Variants in CASP9 observed in about 807,000 individuals in gnomAD.
The protein encoded by CASP9 is caspase-9.
In CASP9, 29 loss-of-function variants were observed where a neutral mutation model predicts 43.5. That is an observed-to-expected ratio of 0.67 (90% confidence interval 0.50 to 0.91). CASP9 has a LOEUF of 0.91. Among genes scored for constraint, CASP9 ranks in the 40% least tolerant of loss-of-function variants. The pLI is 0.00. For missense variants in CASP9, 575 were observed against 537.4 expected, an observed-to-expected ratio of 1.07 and a Z score of -0.69; for synonymous variants, 206 against 211.9, an observed-to-expected ratio of 0.97 and a Z score of 0.24.
intron 2 of CASP9, among the ~76,000 whole-genome samples, chr1:15,516,197 C>T (rs1709940878): frequency 7.0e-6 from 1 of 142,774 alleles, no homozygotes; most frequent in African/African-American, 2.6e-5. Context: ...GCGAGACTCC[C>T]TCTTAAAAAA....
At chr1:15,511,977 T>C (rs564662594) in intron 2 of CASP9, among the ~76,000 whole-genome samples, 21 of 152,232 alleles carry the variant, frequency 1.4e-4, no homozygotes, top group African/African-American at 4.8e-4. Flanking sequence ...GGAGGCCCCA[T>C]GTGAAGTCCC....
intron 2 of CASP9, among the ~76,000 whole-genome samples, chr1:15,511,110 G>GA (rs374575588): frequency 4.6e-5 from 7 of 150,674 alleles, no homozygotes; most frequent in African/African-American, 9.7e-5. Context: ...GCGGAGGCGA[G>GA]AAAAAAAAAC....
chr1:15,502,696 CTG>C (rs1430177875), intron 6 of CASP9, among the ~76,000 whole-genome samples: 1 of 152,184 alleles, frequency 6.6e-6, no homozygotes, highest in East Asian at 1.9e-4. Flanking sequence ...GCTGTTGAGA[CTG>C]AGACTGGATG....
chr1:15,524,490 CCCCGCCCCAGAA>C, upstream of CASP9: 1 of 840,772 alleles, frequency 1.2e-6, no homozygotes, highest in Non-Finnish European at 1.6e-6. Context: ...CGCGTCACCG[CCCCGCCCCAGAA>C]CCCGCCCCAC....
At chr1:15,505,362 T>A (rs983983287) in intron 5 of CASP9, among the ~76,000 whole-genome samples, 8 of 152,340 alleles carry the variant, frequency 5.3e-5, no homozygotes, top group African/African-American at 1.9e-4. Context: ...GGAGTTTTAC[T>A]GGCTGAAGAT....
chr1:15,523,473 A>G lies in CASP9; in HGVS notation c.132+596T>C, dbSNP rs150748686. On this transcript the variant is annotated intron_variant, in intron 1 of 8. Coordinates refer to ENST00000333868, the MANE Select transcript of CASP9 (RefSeq NM_001229.5). ...CGCACACGCCTCCTTCCTCGCAAGT[A>G]TTAACGTAAATTAAAATGGAGACCA... is the stretch of plus-strand genomic sequence containing the variant. 2.8e-3 allele frequency among the ~76,000 whole-genome samples: 422 copies of G among 152,368 alleles called. 3 individuals are homozygous for G. The highest frequency in any genetic ancestry group is 9.4e-3 in the African/African-American group (390 of 41,588).
chr1:15,500,748 G>A (rs1397864921), intron 6 of CASP9, among the ~76,000 whole-genome samples: 2 of 152,316 alleles, frequency 1.3e-5, no homozygotes, highest in East Asian at 3.9e-4. Context: ...GGCCTGAGGC[G>A]TGAATGTGAT....
At chr1:15,497,309 TAAAAAAA>T (rs200717519) in intron 6 of CASP9, among the ~76,000 whole-genome samples, 1 of 101,770 alleles carries the variant, frequency 9.8e-6, no homozygotes, top group African/African-American at 3.8e-5. Context: ...GGACTCCATC[TAAAAAAA>T]AAAAAAAAAA....
In CASP9 at chr1:15,504,058, G is replaced by A. The variant is rs4646057; in HGVS notation, c.868+553C>T. Among the ~76,000 whole-genome samples, 1,451 of 152,290 alleles carry A rather than the reference G, an allele frequency of 9.5e-3. 23 individuals are homozygous for A. The highest frequency in any genetic ancestry group is 0.032 in the African/African-American group (1,331 of 41,542). On this transcript the variant is annotated intron_variant, in intron 6 of 8. Transcript: ENST00000333868. ...AGACAGGGTCTCGCTGTGTTGCCCA[G>A]GCTGGTCTCGAACTCCTGGCTCAAG...
chr1:15,505,491 C>T (rs928460615), intron 5 of CASP9, among the ~76,000 whole-genome samples: 1 of 152,218 alleles, frequency 6.6e-6, no homozygotes, highest in Non-Finnish European at 1.5e-5. Flanking sequence ...CTCCAGGCCC[C>T]AGCTTATAAC....
intron 4 of CASP9, among the ~76,000 whole-genome samples, 191 bp downstream of exon 4, chr1:15,506,708 A>G (rs1018125758): frequency 3.9e-5 from 6 of 152,206 alleles, no homozygotes; most frequent in African/African-American, 1.4e-4. Context: ...CAGGTGGCCG[A>G]GAGAGCCAGT....
intron 2 of CASP9, among the ~76,000 whole-genome samples, chr1:15,509,898 G>C (rs568589073): frequency 1.4e-4 from 22 of 152,308 alleles, no homozygotes; most frequent in African/African-American, 5.3e-4. Flanking sequence ...TTAGCAAGAA[G>C]TTGACTGGCC....
chr1:15,524,846 A>G (rs1482641331), upstream of CASP9: 7 of 879,706 alleles, frequency 8.0e-6, no homozygotes, highest in African/African-American at 7.8e-5. Context: ...CGCCCTCAGG[A>G]CGCACCTCAG....
chr1:15,511,764 G>T (rs4646028), intron 2 of CASP9, among the ~76,000 whole-genome samples: 1 of 152,174 alleles, frequency 6.6e-6, no homozygotes, highest in African/African-American at 2.4e-5. Context: ...GCTCAGGTCT[G>T]CTGGGAAAAA....
At chr1:15,495,052 T>C (rs1709052799) in intron 7 of CASP9, among the ~76,000 whole-genome samples, 1 of 151,806 alleles carries the variant, frequency 6.6e-6, no homozygotes, top group African/African-American at 2.4e-5. Context: ...GAGAGGCAAG[T>C]GAGGCATAGG....
At position 15,518,373 on chromosome 1, in the gene CASP9, C is replaced by T. The variant is rs1284279588; in HGVS notation, c.155G>A (p.Arg52Gln). The stretch of plus-strand genomic sequence containing the variant: ...TATGATCAGCTGCCTGGCCTGATCC[C>T]GCCGAGATCCAGAGCCTGCCCGCTG... Reference protein sequence around the residue: ...DIQRAGSGSRRDQARQLIIDL... With the variant: ...DIQRAGSGSRQDQARQLIIDL... The change falls in exon 2 of 9, where the codon CGG becomes CAG. Residue 52 changes from arginine to glutamine, a missense_variant. Coordinates refer to ENST00000333868, the MANE Select transcript of CASP9 (RefSeq NM_001229.5). 10 of 1,612,450 alleles carry T rather than the reference C, an allele frequency of 6.2e-6. No homozygotes were observed. The highest frequency in any genetic ancestry group is 2.2e-5 in the East Asian group (1 of 44,868).
intron 1 of CASP9, among the ~76,000 whole-genome samples, chr1:15,523,413 G>A (rs1217503034): frequency 6.6e-6 from 1 of 152,214 alleles, no homozygotes; most frequent in South Asian, 2.1e-4. Context: ...ATGCCAAAGT[G>A]GGTTCCCGAA....
chr1:15,515,209 A>G (rs939895010), intron 2 of CASP9, among the ~76,000 whole-genome samples: 4 of 152,246 alleles, frequency 2.6e-5, no homozygotes, highest in Admixed American at 2.6e-4. Context: ...AAATAACAAC[A>G]GATGAGCTTT....
At chr1:15,503,147 G>C (rs529643410) in intron 6 of CASP9, among the ~76,000 whole-genome samples, 3 of 152,312 alleles carry the variant, frequency 2.0e-5, no homozygotes, top group African/African-American at 7.2e-5. Flanking sequence ...AGCACTTTGG[G>C]AGGCCGAAGT....
Sources: allele counts gnomAD v4.1 joint callset (sites outside exome capture counted in the v4.1 genomes callset), GRCh38; gene constraint gnomAD v4.1.1; transcripts MANE v1.5; gene names NCBI Gene and HGNC (gene_info 2026-07-23, HGNC 2026-07-21).